Variants in CACNA1E observed in about 807,000 individuals in gnomAD.
The protein encoded by CACNA1E is calcium voltage-gated channel subunit alpha1 E, also known as voltage-dependent R-type calcium channel subunit alpha-1E.
CACNA1E carries 40 observed loss-of-function variants against 259.2 expected under a neutral mutation model. The observed-to-expected ratio is 0.15, with a 90% CI of 0.12 to 0.20. CACNA1E has a LOEUF of 0.20. Ranked by LOEUF, CACNA1E falls within the 10% of genes least tolerant of loss-of-function variation. CACNA1E has a pLI of 1.00. For missense variants in CACNA1E, 1,874 were observed against 3,040.1 expected (o/e 0.62, Z 9.02); for synonymous variants, 1,104 against 1,138.5 (o/e 0.97, Z 0.61).
chr1:181,460,549 A>T (rs1184055960), intron 2 of CACNA1E, among the ~76,000 whole-genome samples: 3 of 152,198 alleles, frequency 2.0e-5, no homozygotes, highest in Non-Finnish European at 4.4e-5. Flanking sequence ...TTGAACATAG[A>T]GAGACTTCAG....
chr1:181,340,498 G>T (rs558135490), intron 1 of CACNA1E, among the ~76,000 whole-genome samples: 15 of 151,874 alleles, frequency 9.9e-5, no homozygotes, highest in Non-Finnish European at 1.8e-4. Flanking sequence ...TAATTTTTTT[G>T]AGAATAAATT....
chr1:181,798,784 G>A lies in CACNA1E; in HGVS notation c.6892G>A (p.Gly2298Arg). The A allele has an allele frequency of 5.7e-6, 9 of 1,565,250 alleles. No homozygotes were observed. The highest frequency in any genetic ancestry group is 6.9e-6 in the Non-Finnish European group (8 of 1,155,276). The change falls in exon 48 of 48, where the codon GGG becomes AGG. Residue 2298 changes from glycine to arginine, a missense_variant. Transcript: ENST00000367573. This position sits in a 1 kb window ranked among gnomAD's most constrained non-coding sequence, Gnocchi z 4.2. ...GGGGCCTGGGCCAGGCATGATGTGT[G>A]GGGCTGTCAACAACCTGCTAAGTGA... ...RGGPGPGMMC[G>R]AVNNLLSDTE...
intron 7 of CACNA1E, among the ~76,000 whole-genome samples, chr1:181,692,876 CA>C (rs1553323946): frequency 1.5e-4 from 22 of 151,638 alleles, no homozygotes; most frequent in Non-Finnish European, 1.5e-5. Context: ...AATGAGAATG[CA>C]AAATATTTGC....
At chr1:181,725,473 C>T (rs1452839715) in intron 17 of CACNA1E, among the ~76,000 whole-genome samples, 1 of 152,236 alleles carries the variant, frequency 6.6e-6, no homozygotes, top group South Asian at 2.1e-4. Flanking sequence ...ATAGCATGCT[C>T]TGAAGATGTA....
At chr1:181,356,053 A>G (rs1199834122) in intron 1 of CACNA1E, among the ~76,000 whole-genome samples, 1 of 152,096 alleles carries the variant, frequency 6.6e-6, no homozygotes, top group African/African-American at 2.4e-5. Context: ...ATTTTCATCA[A>G]CACCATAAAG....
intron 1 of CACNA1E, among the ~76,000 whole-genome samples, chr1:181,392,485 T>G (rs1409238672): frequency 6.6e-6 from 1 of 152,196 alleles, no homozygotes; most frequent in African/African-American, 2.4e-5. Flanking sequence ...TCTCCAAAAA[T>G]ATTTCAGGCT....
At chr1:181,620,167 A>G (rs530324303) in intron 6 of CACNA1E, among the ~76,000 whole-genome samples, 3 of 152,270 alleles carry the variant, frequency 2.0e-5, no homozygotes, top group South Asian at 4.1e-4. Context: ...CTTCAGGGCT[A>G]CTAATCCAAG....
At chr1:181,378,459 A>G (rs1192202811) in intron 1 of CACNA1E, among the ~76,000 whole-genome samples, 2 of 152,230 alleles carry the variant, frequency 1.3e-5, no homozygotes, top group African/African-American at 4.8e-5. Flanking sequence ...AGACTCCCTG[A>G]ATTGAGGAGA....
chr1:181,560,963 A>G (rs1467296320), intron 3 of CACNA1E, among the ~76,000 whole-genome samples: 1 of 152,236 alleles, frequency 6.6e-6, no homozygotes, highest in Non-Finnish European at 1.5e-5. Context: ...TGGAAACATG[A>G]TGCCAAGTGA....
At chr1:181,343,502 T>C (rs1246065369) in intron 1 of CACNA1E, among the ~76,000 whole-genome samples, 2 of 152,088 alleles carry the variant, frequency 1.3e-5, no homozygotes, top group African/African-American at 4.8e-5. Flanking sequence ...CCTTCTACCG[T>C]GACTGTAAGC....
At chr1:181,710,025 T>C (rs16858025) in intron 7 of CACNA1E, among the ~76,000 whole-genome samples, 19,583 of 152,216 alleles carry the variant, frequency 0.13, 1,343 homozygotes, top group Admixed American at 0.19. Context: ...CTCTTCTCTA[T>C]CAGGGAGCCC....
At chr1:181,495,634 TGC>T (rs2102534304) in intron 1 of CACNA1E, among the ~76,000 whole-genome samples, 1 of 152,308 alleles carries the variant, frequency 6.6e-6, no homozygotes, top group East Asian at 1.9e-4. Context: ...CTAACCTGAG[TGC>T]TGCCAGATAA....
chr1:181,695,088 TA>T (rs1312193322), intron 7 of CACNA1E, among the ~76,000 whole-genome samples: 21 of 152,148 alleles, frequency 1.4e-4, no homozygotes, highest in South Asian at 2.1e-4. Flanking sequence ...ATGACCAAGT[TA>T]AATTTAAATT....
At chr1:181,523,667 C>T (rs1238018246) in intron 3 of CACNA1E, among the ~76,000 whole-genome samples, 3 of 152,138 alleles carry the variant, frequency 2.0e-5, no homozygotes, top group African/African-American at 7.2e-5. Context: ...ATAACTCCTC[C>T]AAGGGATGGG....
intron 2 of CACNA1E, among the ~76,000 whole-genome samples, chr1:181,448,104 C>T (rs957268067): frequency 4.6e-5 from 7 of 152,170 alleles, no homozygotes; most frequent in South Asian, 2.1e-4. Context: ...TCTTAGTTCC[C>T]GTAATTTACA....
chr1:181,545,951 A>G (rs866325885), intron 3 of CACNA1E, among the ~76,000 whole-genome samples: 1 of 151,858 alleles, frequency 6.6e-6, no homozygotes, highest in African/African-American at 2.4e-5. Context: ...GTGTGCCTCT[A>G]GGGGGTTGGG....
At chr1:181,632,182 G>C (rs1001218910) in intron 6 of CACNA1E, among the ~76,000 whole-genome samples, 1 of 151,692 alleles carries the variant, frequency 6.6e-6, no homozygotes, top group Non-Finnish European at 1.5e-5. Flanking sequence ...AGTCTCCACA[G>C]AGATATTCCT....
rs944309687 is a variant in CACNA1E, at chr1:181,798,914, G to C, written c.*80G>C. 4.6e-6 allele frequency: 6 copies of C among 1,307,634 alleles called. No homozygotes were observed. Among genetic ancestry groups the C allele is most frequent in the South Asian group, 1.8e-5 (1 of 57,060 alleles). 81.0% of individuals were successfully genotyped at this position (1,307,634 alleles called of 1,614,324 possible). Reference sequence around the variant, plus strand: ...AGAATTGGGAAGCCAGTGCGGCCCGGGGGGGAGGAAGAGGGAAAAGGAAGA... The same window carrying C: ...AGAATTGGGAAGCCAGTGCGGCCCGCGGGGGAGGAAGAGGGAAAAGGAAGA... On this transcript the variant is annotated 3_prime_UTR_variant, in exon 48 of 48. Transcript: ENST00000367573. This position sits in a 1 kb window ranked among gnomAD's most constrained non-coding sequence, Gnocchi z 4.2.
intron 1 of CACNA1E, among the ~76,000 whole-genome samples, chr1:181,383,212 T>C (rs1415489580): frequency 6.6e-6 from 1 of 152,240 alleles, no homozygotes; most frequent in African/African-American, 2.4e-5. Flanking sequence ...CTTCCAACTT[T>C]CCTTGAGTTA....
Sources: allele counts gnomAD v4.1 joint callset (sites outside exome capture counted in the v4.1 genomes callset), GRCh38; gene constraint gnomAD v4.1.1; non-coding constraint Gnocchi (gnomAD v3.1); transcripts MANE v1.5; gene names NCBI Gene and HGNC (gene_info 2026-07-23, HGNC 2026-07-21).